Variants in UNKL observed in about 807,000 individuals in gnomAD.
UNKL encodes the protein unk like zinc finger, also known as putative E3 ubiquitin-protein ligase UNKL.
In UNKL, 60 loss-of-function variants were observed where a neutral mutation model predicts 78.0. That is an observed-to-expected ratio of 0.77 (90% CI 0.63 to 0.95). The LOEUF is 0.95. Ranked by LOEUF, UNKL falls within the 40% of genes least tolerant of loss-of-function variation. The pLI, the probability that UNKL is intolerant of heterozygous loss-of-function variation, is 0.00. For missense variants in UNKL, 1,159 were observed against 1,045.7 expected (o/e 1.11, Z -1.49); for synonymous variants, 608 against 474.8 (o/e 1.28, Z -3.65).
intron 12 of UNKL, among the ~76,000 whole-genome samples, chr16:1,369,053 T>TA (rs2035552229): frequency 7.6e-6 from 1 of 131,682 alleles, no homozygotes; most frequent in South Asian, 2.5e-4. Context: ...CCCAAAGTAT[T>TA]AGTTTTTTTT....
intron 2 of UNKL, among the ~76,000 whole-genome samples, chr16:1,410,130 G>A (rs1280344860): frequency 6.6e-6 from 1 of 152,136 alleles, no homozygotes; most frequent in Non-Finnish European, 1.5e-5. Context: ...GCCGGGTGCA[G>A]GGCTGCACAC....
At chr16:1,385,980 AAG>A (rs777173913) in intron 9 of UNKL, among the ~76,000 whole-genome samples, 6 of 152,280 alleles carry the variant, frequency 3.9e-5, no homozygotes, top group Non-Finnish European at 7.3e-5. Context: ...TCAAAAGAAA[AAG>A]AGCAACACAC....
chr16:1,385,975 AG>A (rs1286045511), intron 9 of UNKL, among the ~76,000 whole-genome samples: 1 of 152,286 alleles, frequency 6.6e-6, no homozygotes, highest in East Asian at 1.9e-4. Context: ...ATAGATCAAA[AG>A]AAAAAGAGCA....
chr16:1,376,019 A>G (rs2036188366), intron 10 of UNKL, among the ~76,000 whole-genome samples: 2 of 152,166 alleles, frequency 1.3e-5, no homozygotes, highest in Non-Finnish European at 2.9e-5. Context: ...GGCCTTGGAC[A>G]GGTGGCTCCA....
At position 1,377,038 on chromosome 16, in the gene UNKL, A is replaced by G. The variant is rs1055660909; in HGVS notation, c.1265-5427T>C. Among the ~76,000 whole-genome samples the G allele has an allele frequency of 2.0e-5, 3 of 151,604 alleles. No homozygotes were observed. In the South Asian group the frequency reaches 6.3e-4, roughly 32 times the overall value. Reference sequence around the variant, plus strand: ...TCCCCCGCCACACCCAGCCCCCCCAACCGAGATAGAGTCTTGCTCTGTCAC... The same window carrying G: ...TCCCCCGCCACACCCAGCCCCCCCAGCCGAGATAGAGTCTTGCTCTGTCAC... On this transcript the variant is annotated intron_variant, in intron 10 of 14. Coordinates refer to ENST00000389221, the MANE Select transcript of UNKL (RefSeq NM_001372107.1).
At position 1,367,815 on chromosome 16, in the gene UNKL, G is replaced by T. The variant is rs775541225; in HGVS notation, c.1629C>A (p.Gly543=). 6.3e-7 allele frequency: 1 copy of T among 1,575,720 alleles called. No individual in the cohort carries two copies. Among genetic ancestry groups the T allele is most frequent in the Non-Finnish European group, 8.6e-7 (1 of 1,161,706 alleles). The change falls in exon 13 of 15, where the codon GGC becomes GGA. Residue 543 remains glycine, a synonymous_variant. Transcript: ENST00000389221. The stretch of plus-strand genomic sequence containing the variant: ...TGGGGGAGGGGCTGGGGGAGAAGCT[G>T]CCGGAAACAAAGTCCCAGATGCTCC... ...VPGSIWDFVS[G]SFSPSPSPIL... is the part of the protein sequence containing the mutation.
At chr16:1,401,540 C>T in intron 4 of UNKL, 28 bp downstream of exon 4, 1 of 1,515,114 alleles carries the variant, frequency 6.6e-7, no homozygotes, top group Non-Finnish European at 8.9e-7. Context: ...CCCCCCACCA[C>T]CGCCCTCAGC....
At chr16:1,413,783 G>A (rs969083385) in intron 2 of UNKL, 63 bp downstream of exon 2, 18 of 1,453,436 alleles carry the variant, frequency 1.2e-5, no homozygotes, top group African/African-American at 1.4e-5. Flanking sequence ...GGTCCCGGCC[G>A]CATCCCCGGG....
At chr16:1,379,639 G>A (rs1219592847) in intron 10 of UNKL, 3 of 984,722 alleles carry the variant, frequency 3.0e-6, no homozygotes, top group Admixed American at 6.2e-5. Flanking sequence ...CGCCAATGCT[G>A]ACTCACGGTC....
chr16:1,392,455 G>C (rs993090491), intron 8 of UNKL, among the ~76,000 whole-genome samples: 1 of 151,184 alleles, frequency 6.6e-6, no homozygotes, highest in African/African-American at 2.4e-5. Flanking sequence ...TTTTGTTTGA[G>C]ATGGGGTCTT....
At chr16:1,380,910 G>A (rs1025460608) in intron 10 of UNKL, among the ~76,000 whole-genome samples, 3 of 152,066 alleles carry the variant, frequency 2.0e-5, no homozygotes, top group African/African-American at 4.8e-5. Context: ...CCTGACCTCA[G>A]GTGATCCACC....
At chr16:1,402,975 G>A (rs900252197) in intron 3 of UNKL, among the ~76,000 whole-genome samples, 193 bp downstream of exon 3, 1 of 152,314 alleles carries the variant, frequency 6.6e-6, no homozygotes, top group South Asian at 2.1e-4. Context: ...CTGGGTGACA[G>A]AACGAGAATC....
At chr16:1,396,695 G>A (rs575790461) in intron 6 of UNKL, among the ~76,000 whole-genome samples, 4 of 152,184 alleles carry the variant, frequency 2.6e-5, no homozygotes, top group African/African-American at 9.6e-5. Flanking sequence ...CTGGGTTCAC[G>A]CCATTCTCCT....
chr16:1,409,872 G>A (rs73490036), intron 2 of UNKL, among the ~76,000 whole-genome samples: 4,585 of 152,158 alleles, frequency 0.03, 211 homozygotes, highest in African/African-American at 0.1. Flanking sequence ...CCTGAGGTCA[G>A]GAGTTCAAGA....
Position 1,367,653 on chromosome 16 carries a change from C to T in UNKL, c.1788+3G>A, listed in dbSNP as rs1213968109. ...CACCTGTCTGGCCCCCCCACACACT[C>T]ACCTGCTTCACCTGCTGCCAGGACT... On this transcript the variant is annotated splice_donor_region_variant and intron_variant, in intron 13 of 14. Transcript: ENST00000389221. 2 of 1,559,536 alleles carry T rather than the reference C, an allele frequency of 1.3e-6. No individual in the cohort carries two copies. Among genetic ancestry groups the T allele is most frequent in the South Asian group, 2.4e-5 (2 of 84,430 alleles).
Position 1,399,146 on chromosome 16 carries a change from G to C in UNKL, c.734+228C>G. The C allele has an allele frequency of 8.9e-7, 1 of 1,118,842 alleles. No homozygotes were observed. Among genetic ancestry groups the C allele is most frequent in the East Asian group, 2.6e-5 (1 of 37,830 alleles). 69.3% of individuals were successfully genotyped at this position (1,118,842 alleles called of 1,614,324 possible). ...GGCAGAGGGGCCCCGGTAGGGGACT[G>C]CATGGGAGACACTGAGCGTAGGTGG... On this transcript the variant is annotated intron_variant, in intron 5 of 14. Transcript: ENST00000389221. The surrounding 1 kb of genome is among the most constrained non-coding windows in gnomAD (Gnocchi z 5.8).
At chr16:1,405,108 C>T (rs892698297) in intron 2 of UNKL, among the ~76,000 whole-genome samples, 1 of 149,492 alleles carries the variant, frequency 6.7e-6, no homozygotes, top group African/African-American at 2.5e-5. Context: ...GAGGGAGGAT[C>T]GCTTAAAGCC....
At chr16:1,369,900 G>A in intron 12 of UNKL, 1 of 1,516,862 alleles carries the variant, frequency 6.6e-7, no homozygotes, top group Non-Finnish European at 8.9e-7. Context: ...GCTTGAACCT[G>A]GGAGGCGGAG....
intron 8 of UNKL, among the ~76,000 whole-genome samples, chr16:1,391,848 C>T (rs527710383): frequency 1.5e-4 from 23 of 152,136 alleles, no homozygotes; most frequent in African/African-American, 2.4e-5. Flanking sequence ...CCACCACGCC[C>T]GGCTAATTTG....
Sources: allele counts gnomAD v4.1 joint callset (sites outside exome capture counted in the v4.1 genomes callset), GRCh38; gene constraint gnomAD v4.1.1; non-coding constraint Gnocchi (gnomAD v3.1); transcripts MANE v1.5; gene names NCBI Gene and HGNC (gene_info 2026-07-23, HGNC 2026-07-21).